Variants in NOS1AP observed in about 807,000 individuals in gnomAD.
NOS1AP encodes the protein carboxyl-terminal PDZ ligand of neuronal nitric oxide synthase protein.
In NOS1AP, 21 loss-of-function variants were observed where a neutral mutation model predicts 56.2. That is an observed-to-expected ratio of 0.37 (90% CI 0.26 to 0.54). The LOEUF (loss-of-function observed/expected upper bound fraction) is 0.54. Among genes scored for constraint, NOS1AP ranks in the 20% least tolerant of loss-of-function variants. The pLI is 0.84. For synonymous variants in NOS1AP, 270 were observed against 274.6 expected (o/e 0.98, Z 0.17); for missense variants, 522 against 657.8 (o/e 0.79, Z 2.26).
At chr1:162,119,805 G>A (rs892299543) in intron 1 of NOS1AP, among the ~76,000 whole-genome samples, 15 of 152,168 alleles carry the variant, frequency 9.9e-5, no homozygotes, top group African/African-American at 3.6e-4. Flanking sequence ...TTTCAGATGA[G>A]GGGATTTACA....
intron 1 of NOS1AP, among the ~76,000 whole-genome samples, chr1:162,110,247 C>T (rs538561848): frequency 1.4e-5 from 2 of 140,986 alleles, no homozygotes; most frequent in South Asian, 4.3e-4. Flanking sequence ...AGAGTTTTTG[C>T]CCTAAGTTAT....
chr1:162,290,339 A>G (rs188766869), intron 3 of NOS1AP, among the ~76,000 whole-genome samples: 1 of 151,092 alleles, frequency 6.6e-6, no homozygotes, highest in African/African-American at 2.4e-5. Flanking sequence ...ATTTTACACA[A>G]TCTCTGACAG....
At chr1:162,129,276 A>G in intron 1 of NOS1AP, among the ~76,000 whole-genome samples, 1 of 151,926 alleles carries the variant, frequency 6.6e-6, no homozygotes, top group East Asian at 1.9e-4. Flanking sequence ...GCCTTGTGTT[A>G]TTGTATAACT....
chr1:162,108,609 C>T (rs1287933450), intron 1 of NOS1AP, among the ~76,000 whole-genome samples: 2 of 151,846 alleles, frequency 1.3e-5, no homozygotes, highest in Non-Finnish European at 2.9e-5. Flanking sequence ...TTTTGTAATT[C>T]CTAGTTCATG....
chr1:162,326,077 T>C (rs1292798126), intron 4 of NOS1AP, among the ~76,000 whole-genome samples: 2 of 152,234 alleles, frequency 1.3e-5, no homozygotes, highest in Admixed American at 6.5e-5. Flanking sequence ...CCCTGAAAGA[T>C]GTTTTTATTA....
At chr1:162,194,346 T>C (rs1229640158) in intron 2 of NOS1AP, among the ~76,000 whole-genome samples, 2 of 152,136 alleles carry the variant, frequency 1.3e-5, no homozygotes, top group Admixed American at 6.5e-5. Context: ...GCAGAGAGCC[T>C]GGTTGGTCCA....
intron 1 of NOS1AP, among the ~76,000 whole-genome samples, chr1:162,091,075 A>ATGT (rs1193675667): frequency 1.4e-3 from 213 of 151,986 alleles, no homozygotes; most frequent in Middle Eastern, 6.8e-3. Flanking sequence ...GTTTTCATGG[A>ATGT]GATTTAAAAA....
At chr1:162,364,284 G>A in intron 8 of NOS1AP, 2 of 985,436 alleles carry the variant, frequency 2.0e-6, no homozygotes, top group Non-Finnish European at 1.2e-6. Flanking sequence ...TTTGGTACAA[G>A]AACACCCTTT....
intron 2 of NOS1AP, among the ~76,000 whole-genome samples, chr1:162,228,163 T>A (rs911848537): frequency 1.3e-5 from 2 of 152,078 alleles, no homozygotes; most frequent in Non-Finnish European, 2.9e-5. Context: ...GGCTGGAAAG[T>A]TTGAAGGAGA....
At chr1:162,254,135 T>A (rs1231743328) in intron 2 of NOS1AP, among the ~76,000 whole-genome samples, 2 of 152,244 alleles carry the variant, frequency 1.3e-5, no homozygotes. Context: ...TGTCTCTAAA[T>A]GCTTTTTAAA....
At chr1:162,299,719 A>G (rs373866137) in intron 3 of NOS1AP, among the ~76,000 whole-genome samples, 1 of 152,124 alleles carries the variant, frequency 6.6e-6, no homozygotes, top group African/African-American at 2.4e-5. Flanking sequence ...TATGGATCAT[A>G]TTGGTGTTTA....
chr1:162,081,379 G>A (rs765951468), intron 1 of NOS1AP, among the ~76,000 whole-genome samples: 3 of 152,090 alleles, frequency 2.0e-5, no homozygotes, highest in Non-Finnish European at 2.9e-5. Context: ...AAGAAATGAG[G>A]CATCAGTGAG....
intron 2 of NOS1AP, among the ~76,000 whole-genome samples, chr1:162,243,434 A>G (rs571878665): frequency 6.6e-6 from 1 of 152,312 alleles, no homozygotes; most frequent in African/African-American, 2.4e-5. Flanking sequence ...CATGGAAGAA[A>G]AAAAACAAGG....
At chr1:162,247,004 T>C (rs1248380136) in intron 2 of NOS1AP, among the ~76,000 whole-genome samples, 1 of 152,216 alleles carries the variant, frequency 6.6e-6, no homozygotes, top group Non-Finnish European at 1.5e-5. Flanking sequence ...AAATCTCATC[T>C]TCCTGGGATC....
At chr1:162,195,817 C>T (rs763909855) in intron 2 of NOS1AP, among the ~76,000 whole-genome samples, 6 of 152,282 alleles carry the variant, frequency 3.9e-5, no homozygotes, top group East Asian at 1.9e-4. Flanking sequence ...ATGTATAGCC[C>T]GTAAGTCCTT....
chr1:162,170,017 C>T lies in NOS1AP; in HGVS notation c.177+15541C>T, dbSNP rs148098917. On this transcript the variant is annotated intron_variant, in intron 2 of 9. Transcript: ENST00000361897. ...GAAAACCTTTGCTACGAAATCTTCCCTGATTCCTCTCACCTATAGTGCACC... is the reference window on the plus strand; with the variant it reads ...GAAAACCTTTGCTACGAAATCTTCCTTGATTCCTCTCACCTATAGTGCACC... Among the ~76,000 whole-genome samples, 1,174 of 152,304 alleles carry T rather than the reference C, an allele frequency of 7.7e-3. 4 individuals carry two copies. Among genetic ancestry groups the T allele is most frequent in the Non-Finnish European group, 0.013 (886 of 68,022 alleles).
chr1:162,229,941 C>T (rs558959692), intron 2 of NOS1AP, among the ~76,000 whole-genome samples: 35 of 151,878 alleles, frequency 2.3e-4, no homozygotes, highest in Non-Finnish European at 3.4e-4. Flanking sequence ...AGAAATCATA[C>T]CTGTAATTTG....
chr1:162,219,303 C>T (rs772013997), intron 2 of NOS1AP, among the ~76,000 whole-genome samples: 17 of 152,188 alleles, frequency 1.1e-4, no homozygotes, highest in Non-Finnish European at 2.5e-4. Flanking sequence ...GCAGTCGTCT[C>T]TAAGGACAGG....
intron 2 of NOS1AP, among the ~76,000 whole-genome samples, chr1:162,157,646 C>T (rs115365926): frequency 0.011 from 1,624 of 152,296 alleles, 26 homozygotes; most frequent in African/African-American, 0.037. Flanking sequence ...ATAAGGATCA[C>T]ATGTGTGTGA....
Sources: gnomAD v4.1 joint callset for allele counts (sites outside exome capture counted in the v4.1 genomes callset) on GRCh38, gnomAD v4.1.1 for gene constraint, MANE v1.5 for transcripts, NCBI Gene and HGNC (gene_info 2026-07-23, HGNC 2026-07-21) for gene names.